CEP192: variants seen among roughly 807,000 people sequenced by gnomAD.
The protein encoded by CEP192 is centrosomal protein of 192 kDa.
Under a neutral mutation model 271.8 loss-of-function variants are expected in CEP192, and 151 were observed. The observed-to-expected ratio is 0.56, with a 90% CI of 0.49 to 0.64. CEP192 has a LOEUF of 0.64. Ranked by LOEUF, CEP192 falls within the 30% of genes least tolerant of loss-of-function variation. The pLI, the probability that CEP192 is intolerant of heterozygous loss-of-function variation, is 0.00. For missense variants in CEP192, 2,910 were observed against 3,020.5 expected (o/e 0.96, Z 0.86); for synonymous variants, 995 against 1,076.5 (o/e 0.92, Z 1.48).
intron 44 of CEP192, among the ~76,000 whole-genome samples, chr18:13,120,830 G>A (rs577447807): frequency 4.5e-4 from 69 of 152,346 alleles, no homozygotes; most frequent in Admixed American, 3.1e-3. Context: ...GGTAAAGTAT[G>A]AGTAAGAAAA....
At chr18:13,107,887 A>G (rs1418704927) in intron 40 of CEP192, among the ~76,000 whole-genome samples, 1 of 149,676 alleles carries the variant, frequency 6.7e-6, no homozygotes, top group Non-Finnish European at 1.5e-5. Flanking sequence ...TATCTCCAAA[A>G]AAAAAAAAAA....
chr18:13,098,385 GGGC>G, intron 36 of CEP192, among the ~76,000 whole-genome samples: 9 of 152,282 alleles, frequency 5.9e-5, no homozygotes, highest in Non-Finnish European at 1.0e-4. Context: ...TTCCCAGACG[GGGC>G]GGCTGCCGGG....
In CEP192 at chr18:13,117,647, AGTTTATC is replaced by A; in HGVS notation, c.7475+6_7475+12del. 1 of 1,609,850 alleles carries A rather than the reference AGTTTATC, an allele frequency of 6.2e-7. No homozygotes were observed. Among genetic ancestry groups the A allele is most frequent in the East Asian group, 2.2e-5 (1 of 44,850 alleles). ...AACATTCCAAGTACTCTTTGAGGTA[AGTTTATC>A]GCAGATCACAGTGTTCTCATCAGCG... is the stretch of plus-strand genomic sequence containing the variant. On this transcript the variant is annotated splice_donor_5th_base_variant and intron_variant, in intron 44 of 44. Coordinates refer to ENST00000506447, the MANE Select transcript of CEP192 (RefSeq NM_032142.4).
chr18:13,111,196 C>T (rs999714167), intron 40 of CEP192, among the ~76,000 whole-genome samples: 1 of 152,198 alleles, frequency 6.6e-6, no homozygotes, highest in East Asian at 1.9e-4. Flanking sequence ...TCAATCTCGT[C>T]TCACTGCAAC....
chr18:13,038,123 G>A (rs976448169), intron 12 of CEP192, among the ~76,000 whole-genome samples: 2 of 152,084 alleles, frequency 1.3e-5, no homozygotes, highest in Admixed American at 6.5e-5. Flanking sequence ...ACAGGAAAGC[G>A]CTGTCATGAG....
In CEP192 at chr18:13,068,436, A is replaced by T. The variant is rs754803195; in HGVS notation, c.4822+14A>T. The T allele has an allele frequency of 3.7e-5, 58 of 1,587,372 alleles. No homozygotes were observed. Among genetic ancestry groups the T allele is most frequent in the Non-Finnish European group, 2.2e-5 (25 of 1,159,656 alleles). ...TCAGCTCTTCAGGTATCATGTTTAC[A>T]CTGTGTGGGAATTGCTTTAATCTGT... is the stretch of plus-strand genomic sequence containing the variant. On this transcript the variant is annotated intron_variant, in intron 24 of 44. Transcript: ENST00000506447.
chr18:13,040,726 T>C, intron 13 of CEP192, 104 bp from the exon 14 acceptor site: 1 of 876,526 alleles, frequency 1.1e-6, no homozygotes, highest in Non-Finnish European at 1.7e-6. Context: ...AAGAACAGTT[T>C]TTTGATGTCA....
chr18:13,017,827 T>C (rs1456310868), intron 7 of CEP192, among the ~76,000 whole-genome samples: 3 of 152,232 alleles, frequency 2.0e-5, no homozygotes, highest in Admixed American at 1.3e-4. Flanking sequence ...CCTTTATTCT[T>C]ACTATTTTTT....
intron 8 of CEP192, among the ~76,000 whole-genome samples, chr18:13,018,831 T>C (rs964144878): frequency 6.6e-6 from 1 of 152,192 alleles, no homozygotes; most frequent in African/African-American, 2.4e-5. Context: ...TTGGATTGAA[T>C]ATTACAAATA....
rs79602872 is a variant in CEP192, at chr18:13,074,395, C to T, written c.5616+1210C>T. Among the ~76,000 whole-genome samples the T allele has an allele frequency of 1.6e-3, 238 of 152,198 alleles. 7 individuals carry two copies. The East Asian group carries it at 0.038, about 24-fold the overall frequency. ...CTGCCAGAGCCTTTAAGCTCTCTGA[C>T]GATCTGATTTTGTGTGAGGATAATG... On this transcript the variant is annotated intron_variant, in intron 30 of 44. Transcript: ENST00000506447.
intron 21 of CEP192, among the ~76,000 whole-genome samples, chr18:13,067,508 A>C (rs1358582210): frequency 6.6e-6 from 1 of 152,222 alleles, no homozygotes; most frequent in African/African-American, 2.4e-5. Flanking sequence ...AGGAATTGAG[A>C]AGTTGTTATT....
chr18:13,000,493 C>G (rs1027858044), intron 2 of CEP192: 5 of 152,188 alleles, frequency 3.3e-5, no homozygotes, highest in African/African-American at 1.2e-4. Context: ...AGAGGTATGA[C>G]AGAGCCTCAC....
Position 13,024,596 on chromosome 18 carries a change from A to G in CEP192, c.1051-5067A>G, listed in dbSNP as rs111871776. On this transcript the variant is annotated intron_variant, in intron 9 of 44. Transcript: ENST00000506447. ...TCCTGCCTCAGCCTCCCGAGTAGCT[A>G]GAATTACAGGCATGCACCACCATGC... Among the ~76,000 whole-genome samples, 1,228 of 146,196 alleles carry G rather than the reference A, an allele frequency of 8.4e-3. 23 individuals are homozygous for G. The highest frequency in any genetic ancestry group is 0.029 in the African/African-American group (1,159 of 39,376).
intron 30 of CEP192, among the ~76,000 whole-genome samples, chr18:13,075,007 C>A (rs979139637): frequency 2.6e-5 from 4 of 152,230 alleles, no homozygotes; most frequent in African/African-American, 9.6e-5. Flanking sequence ...GCACTACCCT[C>A]AATCACTAAG....
rs1397862555 is a variant in CEP192 at position 13,059,230 on chromosome 18, C to T, written c.4406C>T (p.Thr1469Ile). 3 of 1,614,218 alleles carry T rather than the reference C, an allele frequency of 1.9e-6. No homozygotes were observed. The highest frequency in any genetic ancestry group is 2.2e-5 in the East Asian group (1 of 44,888). The part of the protein sequence containing the change: ...TFSVASWPCS[T>I]DAETIVQAEA... ...AGTGTTGCTTCTTGGCCATGTTCGA[C>T]AGATGCTGAGACCATCGTACAGGCA... The change falls in exon 21 of 45, where the codon ACA becomes ATA. Residue 1469 changes from threonine to isoleucine, a missense_variant. Thr to Ile is a moderately conservative substitution (Grantham distance 89). Coordinates refer to ENST00000506447, the MANE Select transcript of CEP192 (RefSeq NM_032142.4).
At chr18:13,038,651 G>A (rs2036037458) in intron 13 of CEP192, 72 bp downstream of exon 13, 14 of 1,173,284 alleles carry the variant, frequency 1.2e-5, no homozygotes, top group Non-Finnish European at 1.6e-5. Flanking sequence ...ATGGCACAGT[G>A]ACTTTAAAAT....
chr18:13,029,692 G>A lies in CEP192; in HGVS notation c.1080G>A (p.Lys360=). Reference sequence around the variant, plus strand: ...GTGCAAGTAAAGATGTTCTGGTGAAGACCCTCAGGGCTATTGATGTGAAAC... The same window carrying A: ...GTGCAAGTAAAGATGTTCTGGTGAAAACCCTCAGGGCTATTGATGTGAAAC... ...SECASKDVLV[K]TLRAIDVKLN... is the part of the protein sequence containing the mutation. Residue 360 remains lysine, a synonymous_variant, in exon 10 of 45, where the codon AAG becomes AAA. Coordinates refer to ENST00000506447, the MANE Select transcript of CEP192 (RefSeq NM_032142.4). 6.5e-7 allele frequency: 1 copy of A among 1,530,842 alleles called. No homozygotes were observed. The highest frequency in any genetic ancestry group is 8.8e-7 in the Non-Finnish European group (1 of 1,134,250). The allele number at this position is 1,530,842 out of a possible 1,614,324, so 94.8% of individuals were successfully genotyped here. A position where few individuals can be genotyped will look rare whatever the true frequency, so the allele number is the denominator to read the frequency against.
intron 9 of CEP192, among the ~76,000 whole-genome samples, chr18:13,021,243 G>A (rs1340232203): frequency 6.6e-6 from 1 of 152,088 alleles, no homozygotes; most frequent in African/African-American, 2.4e-5. Context: ...AAAGAAAAAA[G>A]GGAAAAAGAA....
At chr18:13,107,070 A>G (rs563447363) in intron 40 of CEP192, among the ~76,000 whole-genome samples, 5 of 151,826 alleles carry the variant, frequency 3.3e-5, no homozygotes, top group African/African-American at 7.2e-5. Context: ...AACAGATGTT[A>G]TGTGTGTGTG....
Sources: gnomAD v4.1 joint callset for allele counts (sites outside exome capture counted in the v4.1 genomes callset) on GRCh38, gnomAD v4.1.1 for gene constraint, MANE v1.5 for transcripts, NCBI Gene and HGNC (gene_info 2026-07-23, HGNC 2026-07-21) for gene names.